The following MUC4 variants were observed in gnomAD, a reference collection of about 807,000 sequenced individuals.
MUC4 encodes mucin 4, cell surface associated.
A neutral mutation model predicts 257.9 loss-of-function variants in MUC4; 202 were observed. That is an observed-to-expected ratio of 0.78 (90% CI 0.70 to 0.88). The LOEUF is 0.88. Ranked by LOEUF, MUC4 falls within the 40% of genes least tolerant of loss-of-function variation. The probability of loss-of-function intolerance (pLI) is 0.00; values close to 1 mark genes in which losing one functional copy is unlikely to be tolerated. For synonymous variants in MUC4, 2,351 were observed against 2,757.1 expected (o/e 0.85, Z 4.62); for missense variants, 5,976 against 6,513.7 (o/e 0.92, Z 2.84).
rs1408449380 is a variant in MUC4, at chr3:195,763,477, C to T, written c.14209G>A (p.Ala4737Thr). 16 of 1,503,924 alleles carry T rather than the reference C, an allele frequency of 1.1e-5. No homozygotes were observed. The highest frequency in any genetic ancestry group is 2.2e-5 in the Admixed American group (1 of 46,018). 93.2% of individuals were successfully genotyped at this position (1,503,924 alleles called of 1,614,324 possible). Residue 4737 changes from alanine to threonine, a missense_variant, in exon 12 of 25, where the codon GCC becomes ACC. Transcript: ENST00000463781. ...TGSAQATNFI[A>T]FAAQYRSSSL... ...CTGGAGCGGTACTGAGCCGCAAAGG[C>T]GATGAAGTTGGTGGCCTGGGCTGAG...
In MUC4 at chr3:195,779,660, G is replaced by C. The variant is rs536593912; in HGVS notation, c.11920C>G (p.Arg3974Gly). Residue 3974 changes from arginine to glycine, a missense_variant, in exon 2 of 25, where the codon CGT (arginine) becomes GGT (glycine). Coordinates refer to ENST00000463781, the MANE Select transcript of MUC4 (RefSeq NM_018406.7). The part of the protein sequence containing the change: ...GHATSLPVTS[R>G]SSASTGHATP... ...GCGTGACCTGTGGATGCTGAGGAACGGCTGGTGACAGGAAGAGAGGTGGCG... is the reference window on the plus strand; with the variant it reads ...GCGTGACCTGTGGATGCTGAGGAACCGCTGGTGACAGGAAGAGAGGTGGCG... The C allele has an allele frequency of 5.1e-6, 2 of 392,336 alleles. No homozygotes were observed. The highest frequency in any genetic ancestry group is 1.8e-4 in the East Asian group (1 of 5,594). 24.3% of individuals were successfully genotyped at this position (392,336 alleles called of 1,614,324 possible).
Position 195,790,592 on chromosome 3 carries a change from C to A in MUC4, c.988G>T (p.Val330Leu), listed in dbSNP as rs372557419. 6.2e-7 allele frequency: 1 copy of A among 1,613,790 alleles called. No individual in the cohort carries two copies. Among genetic ancestry groups the A allele is most frequent in the African/African-American group, 1.3e-5 (1 of 74,892 alleles). Reference protein sequence around the residue: ...AFSKNHQTQSVETTRVSQINT... With the variant: ...AFSKNHQTQSLETTRVSQINT... ...ATTTGAGATACTCTGGTGGTCTCCA[C>A]GCTCTGAGTCTGGTGGTTCTTAGAA... The change falls in exon 2 of 25, where the codon GTG becomes TTG. Residue 330 changes from valine to leucine, a missense_variant. Transcript: ENST00000463781.
chr3:195,765,248 G>A (rs888172928), intron 9 of MUC4, 22 bp downstream of exon 9: 2 of 1,597,940 alleles, frequency 1.3e-6, no homozygotes, highest in African/African-American at 1.3e-5. Context: ...TGGGCTTGTG[G>A]GGGGCGGGAA....
rs1335659785 is a variant in MUC4 at position 195,788,431 on chromosome 3, G to C, written c.3149C>G (p.Ser1050Cys). ...PLPVTSFSSASTGDSTPLPVT... is the reference protein window; with the variant it reads ...PLPVTSFSSACTGDSTPLPVT... ...AGGAAGAGGGGTGCTGTCACCTGTG[G>C]ATGCTGAGGAAAAGCTGGTGACAGG... Residue 1050 changes from serine (S) to cysteine (C), a missense_variant, in exon 2 of 25, where the codon TCC becomes TGC. Around this residue, in one of 44 missense-constraint regions of MUC4, gnomAD observed 68 missense variants for 90.4 expected, o/e 0.75. Transcript: ENST00000463781. 4.1e-6 allele frequency: 6 copies of C among 1,470,724 alleles called. No individual in the cohort carries two copies. In the African/African-American group the frequency reaches 6.0e-5, roughly 15 times the overall value. The allele number at this position is 1,470,724 out of a possible 1,614,324, so 91.1% of individuals were successfully genotyped here. A position where few individuals can be genotyped will look rare whatever the true frequency, so the allele number is the denominator to read the frequency against.
intron 8 of MUC4, among the ~76,000 whole-genome samples, chr3:195,766,260 C>T (rs1334042918): frequency 2.0e-5 from 3 of 152,246 alleles, no homozygotes; most frequent in Admixed American, 2.0e-4. Context: ...GGCGCCCAGC[C>T]GGTAGATTTT....
chr3:195,760,640 C>CTTGGAAGGCGTCCAGCGCTAGGATGGAGT (rs1718680599), intron 16 of MUC4, among the ~76,000 whole-genome samples: 1 of 33,074 alleles, frequency 3.0e-5, no homozygotes, highest in African/African-American at 8.3e-5. Context: ...CTAGGATGGA[C>CTTGGAAGGCGTCCAGCGCTAGGATGGAGT]GGAGGGGGCT....
In MUC4 at chr3:195,781,119, G is replaced by T. The variant is rs1387479742; in HGVS notation, c.10461C>A (p.Thr3487=). 5 of 1,480,582 alleles carry T rather than the reference G, an allele frequency of 3.4e-6. No individual in the cohort carries two copies. Among genetic ancestry groups the T allele is most frequent in the South Asian group, 1.2e-5 (1 of 81,088 alleles). 91.7% of individuals were successfully genotyped at this position (1,480,582 alleles called of 1,614,324 possible). ...SPSSASTGHT[T]PLHVTIPSSA... is the part of the protein sequence containing the mutation. ...AGGAAGGGATGGTGACATGAAGAGG[G>T]GTGGTGTGACCTGTAGATGCTGAGG... is the stretch of plus-strand genomic sequence containing the variant. Residue 3487 remains threonine, a synonymous_variant, in exon 2 of 25, where the codon ACC becomes ACA. Transcript: ENST00000463781.
intron 7 of MUC4, among the ~76,000 whole-genome samples, chr3:195,767,587 A>G (rs1323418030): frequency 3.1e-4 from 34 of 110,698 alleles, no homozygotes; most frequent in African/African-American, 5.6e-4. Flanking sequence ...CACCACCATC[A>G]CCACCACCAC....
intron 3 of MUC4, among the ~76,000 whole-genome samples, chr3:195,774,823 C>A (rs1448644433): frequency 2.0e-5 from 3 of 149,704 alleles, no homozygotes; most frequent in Non-Finnish European, 4.4e-5. Context: ...TTGCTTGAAC[C>A]CGGGAGGCTG....
rs201778703 is a variant in MUC4 at position 195,754,206 on chromosome 3, G to A, written c.15328+7C>T. The A allele has an allele frequency of 4.7e-5, 76 of 1,607,294 alleles. No individual in the cohort carries two copies. In the African/African-American group the frequency reaches 7.1e-4, roughly 15 times the overall value. On this transcript the variant is annotated splice_region_variant and intron_variant, in intron 19 of 24. Coordinates refer to ENST00000463781, the MANE Select transcript of MUC4 (RefSeq NM_018406.7). ...AGCGCCTGCTCCAGGCCCTGTTCCC[G>A]GCTCACCCGCACAGTGCCGCCCATC...
At position 195,752,104 on chromosome 3, in the gene MUC4, G is replaced by A. The variant is rs1177736888; in HGVS notation, c.15582+269C>T. On this transcript the variant is annotated intron_variant, in intron 21 of 24. Transcript: ENST00000463781. ...CTCCCGGGAGGTGAAATGTCCTTTAGTTTCTTTCAGATCATAACCAAGATG... is the reference window on the plus strand; with the variant it reads ...CTCCCGGGAGGTGAAATGTCCTTTAATTTCTTTCAGATCATAACCAAGATG... 6.1e-6 allele frequency: 3 copies of A among 489,426 alleles called. No homozygotes were observed. In the East Asian group the frequency reaches 9.0e-5, roughly 15 times the overall value. The allele number at this position is 489,426 out of a possible 1,614,324, so 30.3% of individuals were successfully genotyped here.
Position 195,753,164 on chromosome 3 carries a change from T to C in MUC4, c.15395A>G (p.His5132Arg). 6.2e-7 allele frequency: 1 copy of C among 1,613,756 alleles called. No homozygotes were observed. Among genetic ancestry groups the C allele is most frequent in the Non-Finnish European group, 8.5e-7 (1 of 1,179,860 alleles). ...GCCCAGAGTCTGGGAGATGTAGCAG[T>C]GGCCTTGATTGTAGCAGTAATTCAC... ...CPVNYCYNQG[H>R]CYISQTLGCQ... Residue 5132 changes from histidine (H) to arginine (R), a missense_variant, in exon 20 of 25, where the codon CAC (histidine) becomes CGC (arginine). His to Arg is a conservative substitution (Grantham distance 29). Transcript: ENST00000463781.
chr3:195,775,886 A>G (rs1252217311), intron 3 of MUC4, among the ~76,000 whole-genome samples: 20 of 119,676 alleles, frequency 1.7e-4, no homozygotes, highest in East Asian at 2.2e-4. Context: ...CATACCTTCC[A>G]CACCCATACC....
At chr3:195,756,156 G>A (rs1430245823) in intron 18 of MUC4, among the ~76,000 whole-genome samples, 3 of 152,224 alleles carry the variant, frequency 2.0e-5, no homozygotes, top group Admixed American at 6.5e-5. Flanking sequence ...CCAGCACCGT[G>A]ATGATGACAT....
intron 1 of MUC4, 30 bp from the exon 2 acceptor site, chr3:195,791,527 A>C (rs375202590): frequency 6.9e-7 from 1 of 1,453,314 alleles, no homozygotes; most frequent in African/African-American, 1.4e-5. Context: ...GCAAGCAGAG[A>C]GCTAAATCAT....
intron 7 of MUC4, among the ~76,000 whole-genome samples, chr3:195,767,563 GCCACCACCATCACCACCACCATCACCA>G (rs1721117243): frequency 4.9e-5 from 1 of 20,306 alleles, no homozygotes; most frequent in African/African-American, 3.2e-4. Flanking sequence ...CATTACCATT[GCCACCACCATCACCACCACCATCACCA>G]CCACCACCAT....
rs1278386120 is a variant in MUC4, at chr3:195,765,331, G to A, written c.13737C>T (p.Val4579=). Residue 4579 remains valine (V), a synonymous_variant, in exon 9 of 25, where the codon GTC becomes GTT. Coordinates refer to ENST00000463781, the MANE Select transcript of MUC4 (RefSeq NM_018406.7). ...CCTGCTGCCAGGAACAAGGGCAGGA[G>A]ACCTGGTTCCAGCCCCAGCTGGGCC... ...PRWPSWGWNQ[V]SCPCSWQQGR... 6.2e-7 allele frequency: 1 copy of A among 1,613,866 alleles called. No homozygotes were observed. Among genetic ancestry groups the A allele is most frequent in the East Asian group, 2.2e-5 (1 of 44,868 alleles).
chr3:195,760,366 C>T (rs1179290042), intron 16 of MUC4, among the ~76,000 whole-genome samples: 1 of 152,158 alleles, frequency 6.6e-6, no homozygotes, highest in Non-Finnish European at 1.5e-5. Flanking sequence ...AAGGGTATTC[C>T]AGGCAAGAGA....
Position 195,759,129 on chromosome 3 carries a change from A to G in MUC4, c.14981T>C (p.Leu4994Pro). 1 of 1,613,920 alleles carries G rather than the reference A, an allele frequency of 6.2e-7. No individual in the cohort carries two copies. Among genetic ancestry groups the G allele is most frequent in the South Asian group, 1.1e-5 (1 of 91,048 alleles). Residue 4994 changes from leucine to proline, a missense_variant, in exon 17 of 25, where the codon CTC becomes CCC. Transcript: ENST00000463781. ...AGCCAGCCAAATAGTCCTACCAAAG[A>G]GCTCCAAGTCGGTGCAGCTGTCTCT... ...TLRDSCTDLE[L>P]FENGTLLWTP...
Sources: gnomAD v4.1 joint callset for allele counts (sites outside exome capture counted in the v4.1 genomes callset) on GRCh38, gnomAD v4.1.1 for gene constraint, gnomAD v4.1.1 regional missense constraint, MANE v1.5 for transcripts, NCBI Gene and HGNC (gene_info 2026-07-23, HGNC 2026-07-21) for gene names.